PPFIA1: variants seen among roughly 807,000 people sequenced by gnomAD.
PPFIA1 encodes the protein liprin-alpha-1.
In PPFIA1, 25 loss-of-function variants were observed where a neutral mutation model predicts 149.9. The ratio of observed to expected loss-of-function variants is 0.17; its 90% CI spans 0.12 to 0.23. The LOEUF (loss-of-function observed/expected upper bound fraction) is 0.23, where lower values mean the gene tolerates loss of function less well. Ranked by LOEUF, PPFIA1 falls within the 10% of genes least tolerant of loss-of-function variation. The pLI is 1.00. For missense variants in PPFIA1, 1,362 were observed against 1,506.5 expected (o/e 0.90, Z 1.59); for synonymous variants, 549 against 552.8 (o/e 0.99, Z 0.10).
At position 70,339,339 on chromosome 11, in the gene PPFIA1, G is replaced by A. The variant is rs185351417; in HGVS notation, c.1707+33G>A. 469 of 1,595,378 alleles carry A rather than the reference G, an allele frequency of 2.9e-4. 6 individuals are homozygous for A. In the South Asian group the frequency reaches 3.6e-3, roughly 12 times the overall value. ...CTTTGTGTGAAATACCTCTGCTTACGTGAAAGTTACCTACTTATCCCGTGG... is the reference window on the plus strand; with the variant it reads ...CTTTGTGTGAAATACCTCTGCTTACATGAAAGTTACCTACTTATCCCGTGG... On this transcript the variant is annotated intron_variant, in intron 14 of 27. Transcript: ENST00000253925.
chr11:70,373,028 G>A (rs1591383296), intron 23 of PPFIA1, among the ~76,000 whole-genome samples: 1 of 152,164 alleles, frequency 6.6e-6, no homozygotes, highest in Non-Finnish European at 1.5e-5. Flanking sequence ...GAGAGGCAGC[G>A]TCTGCATTTC....
Position 70,352,855 on chromosome 11 carries a change from G to A in PPFIA1, c.2164-1446G>A, listed in dbSNP as rs964526119. ...CGTGTGGAGGGATGAGGAGGGCAGCGCTGGCCAGGCTCACGGGGCTTTCCC... is the reference window on the plus strand; with the variant it reads ...CGTGTGGAGGGATGAGGAGGGCAGCACTGGCCAGGCTCACGGGGCTTTCCC... On this transcript the variant is annotated intron_variant, in intron 16 of 27. Coordinates refer to ENST00000253925, the MANE Select transcript of PPFIA1 (RefSeq NM_003626.5). 4.0e-5 allele frequency among the ~76,000 whole-genome samples: 6 copies of A among 151,808 alleles called. No individual in the cohort carries two copies. The East Asian group carries it at 9.7e-4, about 25-fold the overall frequency.
intron 2 of PPFIA1, among the ~76,000 whole-genome samples, chr11:70,277,898 TTTTTG>T (rs749285915): frequency 1.2e-4 from 18 of 152,130 alleles, no homozygotes; most frequent in Non-Finnish European, 8.8e-5. Context: ...TTGCCTTTAG[TTTTTG>T]TTTTGTTTTG....
chr11:70,326,212 T>C (rs752389792), intron 5 of PPFIA1, 50 bp from the exon 6 acceptor site: 38 of 1,073,786 alleles, frequency 3.5e-5, no homozygotes, highest in Non-Finnish European at 5.1e-5. Flanking sequence ...TCTTTACTTA[T>C]TTCTCTTATG....
intron 2 of PPFIA1, among the ~76,000 whole-genome samples, chr11:70,284,644 G>T (rs186603719): frequency 6.6e-6 from 1 of 152,212 alleles, no homozygotes; most frequent in Non-Finnish European, 1.5e-5. Context: ...GGCACACTGT[G>T]GTCCAGAAAG....
intron 26 of PPFIA1, among the ~76,000 whole-genome samples, chr11:70,381,824 A>G (rs1017937992): frequency 3.3e-5 from 5 of 152,188 alleles, no homozygotes; most frequent in Non-Finnish European, 7.3e-5. Context: ...ACATTTTGAA[A>G]TTGTTACTGT....
chr11:70,340,136 TAAAA>T (rs564811432), intron 14 of PPFIA1, among the ~76,000 whole-genome samples: 1 of 138,736 alleles, frequency 7.2e-6, no homozygotes, highest in Admixed American at 7.3e-5. Flanking sequence ...CTGTCTCTAT[TAAAA>T]AAAAAAAAAA....
chr11:70,333,610 C>CCCCACAGCCGAGCAAT, intron 10 of PPFIA1, 57 bp downstream of exon 10: 3 of 1,417,806 alleles, frequency 2.1e-6, no homozygotes, highest in Non-Finnish European at 2.0e-6. Flanking sequence ...GGTCATTGCT[C>CCCCACAGCCGAGCAAT]GGCTGTGGGG....
intron 11 of PPFIA1, among the ~76,000 whole-genome samples, chr11:70,336,058 G>GTA (rs1352965266): frequency 6.6e-6 from 1 of 152,192 alleles, no homozygotes; most frequent in African/African-American, 2.4e-5. Flanking sequence ...TAAATAACGT[G>GTA]TAAATGAATG....
chr11:70,338,231 T>A, intron 12 of PPFIA1, 143 bp from the exon 13 acceptor site: 1 of 647,626 alleles, frequency 1.5e-6, no homozygotes, highest in South Asian at 2.0e-5. Flanking sequence ...TTGGAGAAAA[T>A]TTTCCCAGAA....
At chr11:70,315,899 C>G (rs2053593794) in intron 2 of PPFIA1, among the ~76,000 whole-genome samples, 1 of 151,958 alleles carries the variant, frequency 6.6e-6, no homozygotes, top group South Asian at 2.1e-4. Context: ...CAGCGTTGTC[C>G]AGACACCTAC....
Position 70,335,590 on chromosome 11 carries a change from G to A in PPFIA1, c.1324G>A (p.Glu442Lys). The A allele has an allele frequency of 1.2e-6, 2 of 1,613,922 alleles. No homozygotes were observed. The highest frequency in any genetic ancestry group is 1.7e-6 in the Non-Finnish European group (2 of 1,179,952). ...AAGGCAAAGAGAAAAAATGAACGAAGAACATAATAAACGTTTATCAGACAC... is the reference window on the plus strand; with the variant it reads ...AAGGCAAAGAGAAAAAATGAACGAAAAACATAATAAACGTTTATCAGACAC... ...RARQREKMNE[E>K]HNKRLSDTVD... Residue 442 changes from glutamate (E) to lysine (K), a missense_variant, in exon 11 of 28, where the codon GAA (glutamate) becomes AAA (lysine). This residue lies in a region of PPFIA1 where 733 missense variants were observed against 744.1 expected (regional missense o/e 0.99). Transcript: ENST00000253925.
intron 21 of PPFIA1, 153 bp from the exon 22 acceptor site, chr11:70,372,062 G>T: frequency 1.7e-6 from 1 of 596,414 alleles, no homozygotes; most frequent in Non-Finnish European, 2.7e-6. Context: ...AATTTAAAAG[G>T]TGAGAAGAGA....
intron 2 of PPFIA1, chr11:70,284,060 C>G: frequency 1.9e-6 from 1 of 517,342 alleles, no homozygotes; most frequent in Non-Finnish European, 4.0e-6. Flanking sequence ...TAATATGATG[C>G]AAAATTGGCT....
intron 16 of PPFIA1, 22 bp from the exon 17 acceptor site, chr11:70,354,279 T>C (rs747064140): frequency 2.9e-5 from 46 of 1,598,180 alleles, no homozygotes; most frequent in Non-Finnish European, 3.7e-5. Flanking sequence ...TTAACTAACT[T>C]TGCACTTCTC....
chr11:70,319,676 A>T (rs2053825118), intron 2 of PPFIA1, among the ~76,000 whole-genome samples: 2 of 152,266 alleles, frequency 1.3e-5, no homozygotes, highest in African/African-American at 2.4e-5. Flanking sequence ...GCCTGTAGAT[A>T]AGGTGATTTC....
At chr11:70,322,414 G>A (rs1416036049) in intron 2 of PPFIA1, among the ~76,000 whole-genome samples, 1 of 152,126 alleles carries the variant, frequency 6.6e-6, no homozygotes, top group Non-Finnish European at 1.5e-5. Flanking sequence ...AACAAACTTG[G>A]TGGGAGGACA....
intron 2 of PPFIA1, among the ~76,000 whole-genome samples, chr11:70,284,501 C>G (rs184842650): frequency 6.6e-6 from 1 of 152,038 alleles, no homozygotes; most frequent in African/African-American, 2.4e-5. Flanking sequence ...GTGGTAGAGA[C>G]AGGGTCTCTG....
At chr11:70,313,889 A>G (rs758215540) in intron 2 of PPFIA1, among the ~76,000 whole-genome samples, 13 of 152,242 alleles carry the variant, frequency 8.5e-5, no homozygotes, top group Middle Eastern at 3.4e-3. Context: ...ATGGTGGCGC[A>G]TGCCTGTGGT....
Sources: allele counts gnomAD v4.1 joint callset (sites outside exome capture counted in the v4.1 genomes callset), GRCh38; gene constraint gnomAD v4.1.1; regional missense constraint gnomAD v4.1.1; transcripts MANE v1.5; gene names NCBI Gene and HGNC (gene_info 2026-07-23, HGNC 2026-07-21).